Variants in TFDP2 observed in about 807,000 individuals in gnomAD.
The protein encoded by TFDP2 is transcription factor Dp-2 (E2F dimerization partner 2).
TFDP2 carries 17 observed loss-of-function variants against 59.3 expected under a neutral mutation model. That is an observed-to-expected ratio of 0.29 (90% CI 0.20 to 0.43). The LOEUF (loss-of-function observed/expected upper bound fraction) is 0.43. Ranked by LOEUF, TFDP2 falls within the 20% of genes least tolerant of loss-of-function variation. The pLI, the probability that TFDP2 is intolerant of heterozygous loss-of-function variation, is 1.00. For synonymous variants in TFDP2, 180 were observed against 194.7 expected (o/e 0.92, Z 0.63); for missense variants, 391 against 528.8 (o/e 0.74, Z 2.56).
At chr3:142,070,018 G>A (rs557595372) in intron 3 of TFDP2, among the ~76,000 whole-genome samples, 56 of 151,720 alleles carry the variant, frequency 3.7e-4, no homozygotes, top group Admixed American at 3.5e-3. Context: ...CTATTCTCCT[G>A]CCTCAGCCTC....
intron 3 of TFDP2, among the ~76,000 whole-genome samples, chr3:142,026,409 C>G (rs1946097451): frequency 6.6e-6 from 1 of 152,148 alleles, no homozygotes; most frequent in African/African-American, 2.4e-5. Context: ...TAATAATCTG[C>G]TTGAATGTTG....
In TFDP2 at chr3:141,949,807, A is replaced by ATTTTTTTTTTTTTTTT. The variant is rs759658026; in HGVS notation, c.*2690_*2705dup. ...CCTGGGCATTGTGACCACAACTTCC[A>ATTTTTTTTTTTTTTTT]TTTTTTTTTTTTTTTTTTTTGAGAC... On this transcript the variant is annotated 3_prime_UTR_variant, in exon 13 of 13. Coordinates refer to ENST00000489671, the MANE Select transcript of TFDP2 (RefSeq NM_001178139.2). The ATTTTTTTTTTTTTTTT allele has an allele frequency of 3.1e-5, 3 of 98,030 alleles. 1 individual carries two copies. The highest frequency in any genetic ancestry group is 2.7e-4 in the Admixed American group (2 of 7,402). 6.1% of individuals were successfully genotyped at this position (98,030 alleles called of 1,614,324 possible). A position where few individuals can be genotyped will look rare whatever the true frequency, so the allele number is the denominator to read the frequency against.
chr3:142,028,980 G>C (rs1172667493), intron 3 of TFDP2: 1 of 152,664 alleles, frequency 6.6e-6, no homozygotes, highest in Non-Finnish European at 1.5e-5. Context: ...ATAACTACAA[G>C]TTAACATTTT....
intron 3 of TFDP2, among the ~76,000 whole-genome samples, chr3:142,020,014 CT>C (rs1377660964): frequency 6.6e-6 from 1 of 152,162 alleles, no homozygotes; most frequent in African/African-American, 2.4e-5. Flanking sequence ...TTAATAACTA[CT>C]GTAAAAGACT....
chr3:141,953,065 G>A, intron 11 of TFDP2, 49 bp from the exon 12 acceptor site: 3 of 1,355,136 alleles, frequency 2.2e-6, no homozygotes, highest in South Asian at 1.2e-5. Flanking sequence ...AAGTTCTGTG[G>A]CTGCTGTTGT....
chr3:141,995,335 G>A, intron 4 of TFDP2, 194 bp from the exon 5 acceptor site: 1 of 413,444 alleles, frequency 2.4e-6, no homozygotes, highest in Non-Finnish European at 4.2e-6. Flanking sequence ...CAAGTATCCT[G>A]AATACTGACA....
intron 8 of TFDP2, among the ~76,000 whole-genome samples, chr3:141,973,845 C>T (rs9855288): frequency 0.071 from 10,785 of 152,122 alleles, 492 homozygotes; most frequent in African/African-American, 0.13. Flanking sequence ...TTTTATATCC[C>T]TCAGTTTCAT....
chr3:141,974,190 G>A lies in TFDP2; in HGVS notation c.521C>T (p.Ala174Val). Reference sequence around the variant, plus strand: ...TCGCCTAATGTTCTTCTGATCATAAGCCTGCTAAAAAATATTTTCACTGAG... The same window carrying A: ...TCGCCTAATGTTCTTCTGATCATAAACCTGCTAAAAAATATTTTCACTGAG... ...NSNNHLAADS[A>V]YDQKNIRRRV... The change falls in exon 8 of 13, where the codon GCT becomes GTT. Residue 174 changes from alanine to valine, a missense_variant and splice_region_variant. Physicochemically the swap from Ala to Val is moderately conservative, Grantham distance 64. This residue lies in a region of TFDP2 where 162 missense variants were observed against 206.8 expected (regional missense o/e 0.78). Transcript: ENST00000489671. The A allele has an allele frequency of 6.3e-7, 1 of 1,592,088 alleles. No homozygotes were observed. The highest frequency in any genetic ancestry group is 8.5e-7 in the Non-Finnish European group (1 of 1,172,370).
intron 1 of TFDP2, among the ~76,000 whole-genome samples, chr3:142,125,667 T>C (rs993682059): frequency 9.2e-5 from 14 of 152,200 alleles, no homozygotes; most frequent in Non-Finnish European, 2.9e-5. Context: ...ACCTCCAGTA[T>C]AAACTGTTCT....
chr3:142,135,619 T>C (rs914345614), intron 1 of TFDP2, among the ~76,000 whole-genome samples: 8 of 152,022 alleles, frequency 5.3e-5, no homozygotes, highest in Admixed American at 2.0e-4. Flanking sequence ...AGTGTTCTCA[T>C]TGTCAGTTCC....
intron 1 of TFDP2, among the ~76,000 whole-genome samples, chr3:142,106,953 G>A (rs1306993297): frequency 2.0e-5 from 3 of 152,128 alleles, no homozygotes; most frequent in Non-Finnish European, 4.4e-5. Context: ...TTTGAATCAG[G>A]ATGTGTAGAC....
chr3:141,974,895 T>TTTCTTCTTC (rs763156785), intron 7 of TFDP2, among the ~76,000 whole-genome samples: 7 of 143,310 alleles, frequency 4.9e-5, no homozygotes, highest in South Asian at 2.2e-4. Context: ...GCTGACCATT[T>TTTCTTCTTC]TTCTTCTTCT....
Position 142,017,545 on chromosome 3 carries a change from ATTCTT to A in TFDP2, c.83-12006_83-12002del, listed in dbSNP as rs1336461384. On this transcript the variant is annotated intron_variant, in intron 3 of 12. Coordinates refer to ENST00000489671, the MANE Select transcript of TFDP2 (RefSeq NM_001178139.2). ...CATATGCAAACACATATGCAAAAAT[ATTCTT>A]TTTTTTTTTTTTTTTTTTTTGAGAT... 2.1e-3 allele frequency among the ~76,000 whole-genome samples: 262 copies of A among 125,098 alleles called. 1 individual carries two copies. The highest frequency in any genetic ancestry group is 7.4e-3 in the African/African-American group (249 of 33,514). The allele number at this position is 125,098 out of a possible 152,430, so 82.1% of individuals were successfully genotyped here.
intron 1 of TFDP2, among the ~76,000 whole-genome samples, chr3:142,120,150 CAGG>C (rs1345889409): frequency 6.6e-6 from 1 of 151,650 alleles, no homozygotes; most frequent in African/African-American, 2.4e-5. Context: ...ATCACAAGGT[CAGG>C]AGATCAAGAC....
At chr3:142,136,206 G>A (rs2062731369) in intron 1 of TFDP2, among the ~76,000 whole-genome samples, 2 of 151,982 alleles carry the variant, frequency 1.3e-5, no homozygotes, top group South Asian at 4.1e-4. Context: ...GTCTTCTTTT[G>A]AGAAGTATCT....
At chr3:142,126,346 AAC>A (rs2062251782) in intron 1 of TFDP2, 3 of 151,940 alleles carry the variant, frequency 2.0e-5, no homozygotes, top group Admixed American at 6.6e-5. Context: ...TTACAGAAAC[AAC>A]ACAGTTTTTT....
Position 141,950,017 on chromosome 3 carries a change from G to A in TFDP2, c.*2496C>T, listed in dbSNP as rs11569295. On this transcript the variant is annotated 3_prime_UTR_variant, in exon 13 of 13. Transcript: ENST00000489671. ...AGACAGGGTTTTGTCATGTTGCCCA[G>A]GCTGGTCTTGAACTCCTGAGCTCAA... The A allele has an allele frequency of 6.4e-3, 968 of 152,088 alleles. 5 individuals carry two copies. Among genetic ancestry groups the A allele is most frequent in the Middle Eastern group, 0.017 (5 of 296 alleles). The allele number at this position is 152,088 out of a possible 1,614,324, so 9.4% of individuals were successfully genotyped here.
chr3:142,109,398 G>A (rs892539863), intron 1 of TFDP2, among the ~76,000 whole-genome samples: 7 of 150,018 alleles, frequency 4.7e-5, no homozygotes, highest in African/African-American at 1.2e-4. Context: ...GTGCGATCTC[G>A]GCTCAGTGAA....
intron 3 of TFDP2, among the ~76,000 whole-genome samples, chr3:142,063,673 G>C (rs1345435740): frequency 6.6e-6 from 1 of 152,168 alleles, no homozygotes; most frequent in Admixed American, 6.5e-5. Flanking sequence ...GGTTGAAAAA[G>C]CAACAAAATG....
Sources: allele counts gnomAD v4.1 joint callset (sites outside exome capture counted in the v4.1 genomes callset), GRCh38; gene constraint gnomAD v4.1.1; regional missense constraint gnomAD v4.1.1; transcripts MANE v1.5; gene names NCBI Gene and HGNC (gene_info 2026-07-23, HGNC 2026-07-21).